Variants in THSD7A observed in about 807,000 individuals in gnomAD.
The protein encoded by THSD7A is thrombospondin type-1 domain-containing protein 7A.
THSD7A carries 96 observed loss-of-function variants against 231.3 expected under a neutral mutation model. The observed-to-expected ratio is 0.41, with a 90% CI of 0.35 to 0.49. The LOEUF (loss-of-function observed/expected upper bound fraction) is 0.49. THSD7A is among the 20% of genes least tolerant of loss of function. THSD7A has a pLI of 0.05. For missense variants in THSD7A, 2,290 were observed against 2,070.2 expected, an observed-to-expected ratio of 1.11 and a Z score of -2.06; for synonymous variants, 940 against 743.3, an observed-to-expected ratio of 1.26 and a Z score of -4.30.
At chr7:11,655,291 C>G (rs1400664963) in intron 1 of THSD7A, among the ~76,000 whole-genome samples, 1 of 151,874 alleles carries the variant, frequency 6.6e-6, no homozygotes, top group African/African-American at 2.4e-5. Context: ...TGCTGTAACA[C>G]AGTCTTTCTG....
intron 4 of THSD7A, among the ~76,000 whole-genome samples, chr7:11,552,187 T>C (rs6968824): frequency 0.23 from 35,373 of 151,666 alleles, 4,817 homozygotes; most frequent in African/African-American, 0.38. Context: ...AGGGTGAGGA[T>C]TGAGGATTGA....
intron 1 of THSD7A, among the ~76,000 whole-genome samples, chr7:11,661,352 C>A (rs1782921878): frequency 6.6e-6 from 1 of 151,036 alleles, no homozygotes; most frequent in Non-Finnish European, 1.5e-5. Context: ...GGCAAAATTG[C>A]TAAGAATACA....
chr7:11,429,196 A>G (rs1326676284), intron 13 of THSD7A, 71 bp from the exon 14 acceptor site: 10 of 1,444,220 alleles, frequency 6.9e-6, no homozygotes, highest in Non-Finnish European at 7.4e-6. Flanking sequence ...CCACTATTCT[A>G]GGTCATTTAG....
intron 1 of THSD7A, among the ~76,000 whole-genome samples, chr7:11,648,478 G>A (rs1282209233): frequency 6.6e-6 from 1 of 151,826 alleles, no homozygotes; most frequent in Non-Finnish European, 1.5e-5. Flanking sequence ...CCAATGCTCC[G>A]TTTCTGTTGT....
intron 1 of THSD7A, among the ~76,000 whole-genome samples, chr7:11,789,259 G>C (rs981286853): frequency 1.3e-5 from 2 of 152,016 alleles, no homozygotes; most frequent in Non-Finnish European, 2.9e-5. Context: ...AGAAAGATGG[G>C]CAATCAACCT....
intron 1 of THSD7A, among the ~76,000 whole-genome samples, chr7:11,645,100 T>A (rs540030813): frequency 3.3e-5 from 5 of 152,092 alleles, no homozygotes; most frequent in African/African-American, 1.2e-4. Flanking sequence ...TACACCTTGA[T>A]CAGCATTGGT....
At chr7:11,581,004 T>G (rs1466054410) in intron 4 of THSD7A, among the ~76,000 whole-genome samples, 2 of 152,082 alleles carry the variant, frequency 1.3e-5, no homozygotes, top group Non-Finnish European at 2.9e-5. Context: ...GAATAATAAG[T>G]GAGATACCTA....
intron 9 of THSD7A, among the ~76,000 whole-genome samples, chr7:11,469,182 G>A (rs955552262): frequency 3.3e-5 from 5 of 152,124 alleles, no homozygotes; most frequent in Non-Finnish European, 5.9e-5. Flanking sequence ...AGGAGACAGC[G>A]TCATTTGTAA....
chr7:11,454,810 A>C (rs1785252629), intron 11 of THSD7A, among the ~76,000 whole-genome samples: 1 of 152,050 alleles, frequency 6.6e-6, no homozygotes, highest in Non-Finnish European at 1.5e-5. Context: ...AATTATATTC[A>C]GAAAGTTTGG....
At chr7:11,826,641 G>A (rs1166124794) in intron 1 of THSD7A, among the ~76,000 whole-genome samples, 1 of 151,978 alleles carries the variant, frequency 6.6e-6, no homozygotes, top group African/African-American at 2.4e-5. Context: ...GTGAAACCCA[G>A]TCTGTGCTTA....
At chr7:11,398,607 T>A (rs564001768) in intron 23 of THSD7A, among the ~76,000 whole-genome samples, 1 of 152,150 alleles carries the variant, frequency 6.6e-6, no homozygotes, top group African/African-American at 2.4e-5. Context: ...AAAAAAAGAT[T>A]TCACGTAAGT....
intron 2 of THSD7A, among the ~76,000 whole-genome samples, chr7:11,602,775 T>C (rs1780595207): frequency 6.6e-6 from 1 of 151,772 alleles, no homozygotes; most frequent in Non-Finnish European, 1.5e-5. Flanking sequence ...AGATGATATT[T>C]GTATTTTACG....
At chr7:11,402,105 A>T in intron 22 of THSD7A, 137 bp from the exon 23 acceptor site, 2 of 670,672 alleles carry the variant, frequency 3.0e-6, no homozygotes, top group Non-Finnish European at 4.8e-6. Context: ...TTAAATAAGC[A>T]TTTAATATTT....
chr7:11,714,458 T>C (rs1394980572), intron 1 of THSD7A, among the ~76,000 whole-genome samples: 1 of 151,266 alleles, frequency 6.6e-6, no homozygotes, highest in Admixed American at 6.6e-5. Context: ...TTTGTATAGA[T>C]TGAGCTACTG....
At chr7:11,769,153 A>ATTTTTTTTTTTTTTTTT (rs1227041855) in intron 1 of THSD7A, among the ~76,000 whole-genome samples, 16 of 27,646 alleles carry the variant, frequency 5.8e-4, no homozygotes, top group South Asian at 1.4e-3. Context: ...ATATATATAT[A>ATTTTTTTTTTTTTTTTT]TTTTTTTTTT....
At chr7:11,500,440 G>A (rs1787283476) in intron 6 of THSD7A, among the ~76,000 whole-genome samples, 1 of 152,064 alleles carries the variant, frequency 6.6e-6, no homozygotes, top group Non-Finnish European at 1.5e-5. Context: ...ACAGCACAAT[G>A]ATAGGGTCAA....
chr7:11,598,311 T>C (rs1443027335), intron 2 of THSD7A, among the ~76,000 whole-genome samples: 1 of 152,144 alleles, frequency 6.6e-6, no homozygotes, highest in Non-Finnish European at 1.5e-5. Context: ...TGTGAAGATA[T>C]TTGTATTCCA....
At chr7:11,640,522 C>T (rs966317895) in intron 1 of THSD7A, among the ~76,000 whole-genome samples, 1 of 152,056 alleles carries the variant, frequency 6.6e-6, no homozygotes, top group Non-Finnish European at 1.5e-5. Context: ...CCTTGAGAAC[C>T]TCTAATTTCT....
At chr7:11,783,488 T>G (rs1435411904) in intron 1 of THSD7A, among the ~76,000 whole-genome samples, 1 of 152,194 alleles carries the variant, frequency 6.6e-6, no homozygotes, top group Non-Finnish European at 1.5e-5. Flanking sequence ...GTATACCATT[T>G]GGTCATCCCA....
Sources: allele counts gnomAD v4.1 joint callset (sites outside exome capture counted in the v4.1 genomes callset), GRCh38; gene constraint gnomAD v4.1.1; transcripts MANE v1.5; gene names NCBI Gene and HGNC (gene_info 2026-07-23, HGNC 2026-07-21).